The following ZNF385D variants were observed in gnomAD, a reference collection of about 807,000 sequenced individuals.
ZNF385D encodes the protein zinc finger protein 659.
ZNF385D carries 15 observed loss-of-function variants against 35.8 expected under a neutral mutation model. The observed-to-expected ratio is 0.42, with a 90% CI of 0.28 to 0.64. ZNF385D has a LOEUF of 0.64. Ranked by LOEUF, ZNF385D falls within the 30% of genes least tolerant of loss-of-function variation. The probability of loss-of-function intolerance (pLI) is 0.23; values close to 1 mark genes in which losing one functional copy is unlikely to be tolerated. For synonymous variants in ZNF385D, 212 were observed against 186.8 expected (o/e 1.13, Z -1.10); for missense variants, 474 against 494.6 (o/e 0.96, Z 0.39).
chr3:22,073,929 T>A lies in ZNF385D; in HGVS notation c.325+94888A>T, dbSNP rs565153726. Among the ~76,000 whole-genome samples, 8 of 152,114 alleles carry A rather than the reference T, an allele frequency of 5.3e-5. No homozygotes were observed. The East Asian group carries it at 1.5e-3, about 29-fold the overall frequency. On this transcript the variant is annotated intron_variant, in intron 3 of 5. Coordinates refer to the ZNF385D transcript ENST00000494108. ...TCGCATCCTTTAAAAGGGCAGTTTATCTTCATGTATTAAAAGGAACATCAT... is the reference window on the plus strand; with the variant it reads ...TCGCATCCTTTAAAAGGGCAGTTTAACTTCATGTATTAAAAGGAACATCAT...
intron 4 of ZNF385D, among the ~76,000 whole-genome samples, chr3:21,454,779 T>G (rs985359793): frequency 3.9e-5 from 6 of 152,044 alleles, no homozygotes; most frequent in Non-Finnish European, 5.9e-5. Flanking sequence ...TATTCAATTA[T>G]GAAAAGAGGA....
intron 2 of ZNF385D, among the ~76,000 whole-genome samples, chr3:22,250,005 A>G (rs1466965893): frequency 6.6e-6 from 1 of 152,172 alleles, no homozygotes; most frequent in African/African-American, 2.4e-5. Context: ...GTGGAAATTT[A>G]CTTTCCAAAA....
intron 3 of ZNF385D, among the ~76,000 whole-genome samples, chr3:21,922,640 A>G (rs1700528784): frequency 1.3e-5 from 2 of 152,206 alleles, no homozygotes; most frequent in Admixed American, 6.5e-5. Context: ...AGTTATCTCA[A>G]GAAGAACTAA....
intron 4 of ZNF385D, among the ~76,000 whole-genome samples, chr3:21,464,743 A>AACACACAC (rs6147726): frequency 4.7e-5 from 7 of 150,316 alleles, no homozygotes; most frequent in Admixed American, 3.3e-4. Context: ...AATAAATTAA[A>AACACACAC]ACACACACAC....
At chr3:21,781,514 A>G (rs2071486919) in intron 3 of ZNF385D, among the ~76,000 whole-genome samples, 1 of 152,088 alleles carries the variant, frequency 6.6e-6, no homozygotes, top group Non-Finnish European at 1.5e-5. Flanking sequence ...TCATATTTTG[A>G]GAAAACAAAT....
intron 2 of ZNF385D, among the ~76,000 whole-genome samples, chr3:21,653,271 T>C (rs2065972327): frequency 1.3e-5 from 2 of 152,176 alleles, no homozygotes; most frequent in South Asian, 2.1e-4. Flanking sequence ...TAATTAGATC[T>C]TAACATGTGT....
chr3:22,021,969 C>T (rs1169243180), intron 3 of ZNF385D, among the ~76,000 whole-genome samples: 1 of 152,020 alleles, frequency 6.6e-6, no homozygotes, highest in African/African-American at 2.4e-5. Flanking sequence ...CTAACTCACT[C>T]AACTTCCATT....
chr3:21,952,822 T>G (rs1285896478), intron 3 of ZNF385D, among the ~76,000 whole-genome samples: 1 of 151,954 alleles, frequency 6.6e-6, no homozygotes, highest in Non-Finnish European at 1.5e-5. Context: ...ACTAAACATT[T>G]CCATTGCCTT....
At chr3:22,326,485 T>C (rs1157437) in intron 2 of ZNF385D, among the ~76,000 whole-genome samples, 36,351 of 152,014 alleles carry the variant, frequency 0.24, 4,470 homozygotes, top group East Asian at 0.28. Context: ...TTGAGGAAAG[T>C]GTTATCACTT....
At chr3:22,076,344 C>G (rs1191771616) in intron 3 of ZNF385D, among the ~76,000 whole-genome samples, 1 of 151,914 alleles carries the variant, frequency 6.6e-6, no homozygotes, top group African/African-American at 2.4e-5. Context: ...GGTCCAGTCT[C>G]TCTGGTTTTC....
chr3:21,533,798 A>G (rs2061977792), intron 3 of ZNF385D, among the ~76,000 whole-genome samples: 1 of 152,114 alleles, frequency 6.6e-6, no homozygotes, highest in Non-Finnish European at 1.5e-5. Context: ...TCAAATCCCT[A>G]CTGTAAGGCA....
intron 1 of ZNF385D, among the ~76,000 whole-genome samples, chr3:21,710,586 C>T (rs564555156): frequency 3.3e-5 from 5 of 152,134 alleles, no homozygotes; most frequent in South Asian, 4.1e-4. Flanking sequence ...TTACAGTCCT[C>T]GCATTTTCTC....
rs1466033037 is a variant in ZNF385D at position 21,777,542 on chromosome 3, G to A, written c.326-112514C>T. 4.6e-5 allele frequency: 7 copies of A among 151,982 alleles called. No homozygotes were observed. The South Asian group carries it at 6.2e-4, about 13-fold the overall frequency. The allele number at this position is 151,982 out of a possible 1,614,324, so 9.4% of individuals were successfully genotyped here. A position where few individuals can be genotyped will look rare whatever the true frequency, so the allele number is the denominator to read the frequency against. On this transcript the variant is annotated intron_variant, in intron 3 of 5. Transcript: ENST00000494108. ...TCAACATGATCAGACAGAGAGAGAA[G>A]AATCATTTGAAACACTGTATGAACT...
At chr3:21,480,603 G>A (rs78498874) in intron 4 of ZNF385D, among the ~76,000 whole-genome samples, 2,710 of 152,042 alleles carry the variant, frequency 0.018, 44 homozygotes, top group South Asian at 0.047. Flanking sequence ...AAGAAAGATC[G>A]GAAGATAAAG....
At chr3:22,266,051 G>C (rs1240893103) in intron 2 of ZNF385D, among the ~76,000 whole-genome samples, 5 of 151,910 alleles carry the variant, frequency 3.3e-5, no homozygotes, top group South Asian at 4.1e-4. Flanking sequence ...GCCTGAGCTA[G>C]TTTAGATTTA....
chr3:22,111,636 A>C (rs771285999), intron 3 of ZNF385D, among the ~76,000 whole-genome samples: 1 of 152,136 alleles, frequency 6.6e-6, no homozygotes, highest in Non-Finnish European at 1.5e-5. Context: ...TGACTTAGTG[A>C]ATTGAACACA....
At chr3:21,922,458 A>G (rs573148287) in intron 3 of ZNF385D, among the ~76,000 whole-genome samples, 183 of 152,348 alleles carry the variant, frequency 1.2e-3, no homozygotes, top group African/African-American at 4.2e-3. Flanking sequence ...CCAATGGAAC[A>G]GAATAGACAA....
At chr3:21,819,638 T>C (rs1175600834) in intron 3 of ZNF385D, among the ~76,000 whole-genome samples, 2 of 103,566 alleles carry the variant, frequency 1.9e-5, no homozygotes, top group South Asian at 7.5e-4. Flanking sequence ...TATAATTATA[T>C]ATTCTATATT....
intron 1 of ZNF385D, among the ~76,000 whole-genome samples, chr3:21,730,933 G>A (rs147018450): frequency 6.6e-6 from 1 of 152,204 alleles, no homozygotes; most frequent in East Asian, 1.9e-4. Flanking sequence ...TTTTCCTACT[G>A]AGGCTCACTT....
Sources: allele counts gnomAD v4.1 joint callset (sites outside exome capture counted in the v4.1 genomes callset), GRCh38; gene constraint gnomAD v4.1.1; transcripts MANE v1.5; gene names NCBI Gene and HGNC (gene_info 2026-07-23, HGNC 2026-07-21).